Variants in STEAP1B observed in about 807,000 individuals in gnomAD.
The protein encoded by STEAP1B is STEAP family protein MGC87042.
STEAP1B carries 13 observed loss-of-function variants against 27.9 expected under a neutral mutation model. That is an observed-to-expected ratio of 0.47 (90% CI 0.30 to 0.74). The LOEUF (loss-of-function observed/expected upper bound fraction) is 0.74. Ranked by LOEUF, STEAP1B falls within the 30% of genes least tolerant of loss-of-function variation. The pLI, the probability that STEAP1B is intolerant of heterozygous loss-of-function variation, is 0.06. For missense variants in STEAP1B, 250 were observed against 298.7 expected, an observed-to-expected ratio of 0.84 and a Z score of 1.20; for synonymous variants, 86 against 107.1, an observed-to-expected ratio of 0.80 and a Z score of 1.22.
rs764990464 is a variant in STEAP1B, at chr7:22,493,810, C to T, written c.111G>A (p.Met37Ile). Residue 37 changes from methionine (M) to isoleucine (I), a missense_variant, in exon 3 of 5, where the codon ATG (methionine) becomes ATA (isoleucine). Physicochemically the swap from Met to Ile is conservative, Grantham distance 10. Transcript: ENST00000678116. ...AATGCAAAAGCACAGGTCTTTTTAGCATGCTGGTCTCTCCCGTGTCCTCAT... is the reference window on the plus strand; with the variant it reads ...AATGCAAAAGCACAGGTCTTTTTAGTATGCTGGTCTCTCCCGTGTCCTCAT... ...YLHEDTGETS[M>I]LKRPVLLHLQ... 2.5e-6 allele frequency: 4 copies of T among 1,612,118 alleles called. No homozygotes were observed. The South Asian group carries it at 3.3e-5, about 13-fold the overall frequency.
At chr7:22,429,066 T>C (rs1785145205) in intron 4 of STEAP1B, among the ~76,000 whole-genome samples, 1 of 152,206 alleles carries the variant, frequency 6.6e-6, no homozygotes, top group Non-Finnish European at 1.5e-5. Context: ...GAAAACCTTA[T>C]ACACTGCTTG....
intron 4 of STEAP1B, among the ~76,000 whole-genome samples, chr7:22,476,664 G>A (rs578217820): frequency 1.3e-5 from 2 of 152,220 alleles, no homozygotes; most frequent in East Asian, 3.9e-4. Context: ...ACACATTCAG[G>A]TGCATCTGCC....
At chr7:22,426,839 A>G (rs982055524) in intron 4 of STEAP1B, among the ~76,000 whole-genome samples, 1 of 152,262 alleles carries the variant, frequency 6.6e-6, no homozygotes, top group African/African-American at 2.4e-5. Flanking sequence ...GCAATGATGC[A>G]TGCTAAGAAG....
intron 4 of STEAP1B, among the ~76,000 whole-genome samples, chr7:22,458,336 A>G (rs1467779277): frequency 6.6e-6 from 1 of 152,202 alleles, no homozygotes; most frequent in Non-Finnish European, 1.5e-5. Flanking sequence ...CACCCAGTAG[A>G]GGCTCGGAGC....
intron 4 of STEAP1B, among the ~76,000 whole-genome samples, chr7:22,437,879 T>A (rs570773593): frequency 6.6e-6 from 1 of 152,350 alleles, no homozygotes; most frequent in South Asian, 2.1e-4. Flanking sequence ...CATATTTTCA[T>A]ATATCTATTG....
At chr7:22,478,796 C>T (rs1161516921) in intron 4 of STEAP1B, among the ~76,000 whole-genome samples, 1 of 152,194 alleles carries the variant, frequency 6.6e-6, no homozygotes, top group Non-Finnish European at 1.5e-5. Context: ...TACTTTGGGT[C>T]TTGTTTTCTC....
intron 4 of STEAP1B, among the ~76,000 whole-genome samples, chr7:22,430,163 T>C (rs1785158745): frequency 6.6e-6 from 1 of 152,240 alleles, no homozygotes; most frequent in African/African-American, 2.4e-5. Flanking sequence ...TTGAAAGTTT[T>C]AAAAATACAG....
chr7:22,441,451 G>C (rs1274545470), intron 4 of STEAP1B, among the ~76,000 whole-genome samples: 2 of 152,178 alleles, frequency 1.3e-5, no homozygotes, highest in African/African-American at 4.8e-5. Context: ...TTACAGATGA[G>C]AAAATTGAGA....
At position 22,493,285 on chromosome 7, in the gene STEAP1B, G is replaced by T. The variant is rs143605806; in HGVS notation, c.597+39C>A. 656 of 1,555,504 alleles carry T rather than the reference G, an allele frequency of 4.2e-4. 4 individuals carry two copies. In the African/African-American group the frequency reaches 7.9e-3, roughly 19 times the overall value. The stretch of plus-strand genomic sequence containing the variant: ...AATGATTAATTTGTTAGGTGACTTA[G>T]ACTTTTTATTAGTAACAGTGACATC... On this transcript the variant is annotated intron_variant, in intron 3 of 4. Coordinates refer to ENST00000678116, the MANE Select transcript of STEAP1B (RefSeq NM_001382447.1).
At chr7:22,485,491 C>A (rs1321527745) in intron 4 of STEAP1B, among the ~76,000 whole-genome samples, 1 of 152,084 alleles carries the variant, frequency 6.6e-6, no homozygotes, top group Non-Finnish European at 1.5e-5. Context: ...GTATGAACAA[C>A]TTTTTTATTT....
chr7:22,499,698 C>G (rs1358443077), intron 1 of STEAP1B, among the ~76,000 whole-genome samples: 2 of 152,160 alleles, frequency 1.3e-5, no homozygotes, highest in African/African-American at 4.8e-5. Flanking sequence ...CCAGGAAACC[C>G]GAAGACGAGA....
intron 4 of STEAP1B, among the ~76,000 whole-genome samples, chr7:22,467,678 G>A (rs1785809766): frequency 6.6e-6 from 1 of 152,074 alleles, no homozygotes; most frequent in Non-Finnish European, 1.5e-5. Context: ...CTCTTCTCTT[G>A]TCTGCTGCCA....
intron 4 of STEAP1B, among the ~76,000 whole-genome samples, chr7:22,424,584 A>G (rs1393560175): frequency 6.6e-6 from 1 of 152,180 alleles, no homozygotes; most frequent in African/African-American, 2.4e-5. Flanking sequence ...TAGAAATAAA[A>G]TTTGGCCATT....
intron 4 of STEAP1B, among the ~76,000 whole-genome samples, chr7:22,436,160 A>G: frequency 6.6e-6 from 1 of 152,254 alleles, no homozygotes; most frequent in Middle Eastern, 3.4e-3. Context: ...AGATAAATAA[A>G]AGGCTTATAC....
intron 4 of STEAP1B, among the ~76,000 whole-genome samples, chr7:22,445,132 T>C (rs752982504): frequency 6.6e-6 from 1 of 152,308 alleles, no homozygotes; most frequent in East Asian, 1.9e-4. Context: ...AGGGTTGGCA[T>C]TGGGAACAGG....
intron 4 of STEAP1B, among the ~76,000 whole-genome samples, chr7:22,485,103 TA>T (rs1786179380): frequency 6.6e-6 from 1 of 152,250 alleles, no homozygotes; most frequent in Non-Finnish European, 1.5e-5. Flanking sequence ...GAATATCACA[TA>T]AACTTAGCTG....
chr7:22,422,112 T>A (rs1014823840), intron 4 of STEAP1B, among the ~76,000 whole-genome samples: 23 of 152,252 alleles, frequency 1.5e-4, no homozygotes, highest in African/African-American at 5.5e-4. Flanking sequence ...CTTAAAAATA[T>A]TGATGGCTCT....
intron 4 of STEAP1B, among the ~76,000 whole-genome samples, chr7:22,442,185 T>C (rs1785344053): frequency 2.0e-5 from 3 of 152,226 alleles, no homozygotes; most frequent in Admixed American, 2.0e-4. Context: ...GTAAAAAGAC[T>C]GCAGTGAGCG....
chr7:22,486,259 C>T (rs1007086963), intron 4 of STEAP1B, among the ~76,000 whole-genome samples: 7 of 152,206 alleles, frequency 4.6e-5, no homozygotes, highest in African/African-American at 1.7e-4. Context: ...CTAACAGCCG[C>T]TGAAGGAAAC....
Sources: gnomAD v4.1 joint callset for allele counts (sites outside exome capture counted in the v4.1 genomes callset) on GRCh38, gnomAD v4.1.1 for gene constraint, MANE v1.5 for transcripts, NCBI Gene and HGNC (gene_info 2026-07-23, HGNC 2026-07-21) for gene names.